TRAPPC9: variants seen among roughly 807,000 people sequenced by gnomAD.
The protein encoded by TRAPPC9 is trafficking protein particle complex subunit 9, also known as IKK2 binding protein.
A neutral mutation model predicts 124.0 loss-of-function variants in TRAPPC9; 83 were observed. That is an observed-to-expected ratio of 0.67 (90% CI 0.56 to 0.80). TRAPPC9 has a LOEUF of 0.80. Among genes scored for constraint, TRAPPC9 ranks in the 30% least tolerant of loss-of-function variants. TRAPPC9 has a pLI of 0.00. For missense variants in TRAPPC9, 1,302 were observed against 1,508.3 expected (o/e 0.86, Z 2.27); for synonymous variants, 638 against 617.5 (o/e 1.03, Z -0.49).
rs1822421541 is a variant in TRAPPC9, at chr8:139,788,386, G to A, written c.3056-56184C>T. Reference sequence around the variant, plus strand: ...CAGGTTTCTAAAAATAGCCTGGCCTGTCAAAACTGTTAACTATCAGGCAGG... The same window carrying A: ...CAGGTTTCTAAAAATAGCCTGGCCTATCAAAACTGTTAACTATCAGGCAGG... On this transcript the variant is annotated intron_variant, in intron 21 of 22. Coordinates refer to ENST00000438773, the MANE Select transcript of TRAPPC9 (RefSeq NM_001160372.4). This position sits in a 1 kb window ranked among gnomAD's most constrained non-coding sequence, Gnocchi z 4.9. Among the ~76,000 whole-genome samples the A allele has an allele frequency of 1.3e-5, 2 of 152,232 alleles. No individual in the cohort carries two copies. Among genetic ancestry groups the A allele is most frequent in the Admixed American group, 6.5e-5 (1 of 15,290 alleles).
At chr8:140,307,040 A>G (rs1455360565) in intron 10 of TRAPPC9, among the ~76,000 whole-genome samples, 1 of 152,164 alleles carries the variant, frequency 6.6e-6, no homozygotes, top group African/African-American at 2.4e-5. Context: ...GTCTCCTTGC[A>G]GCCATGTGGT....
intron 17 of TRAPPC9, among the ~76,000 whole-genome samples, chr8:140,032,644 G>A (rs748874851): frequency 6.6e-6 from 1 of 152,132 alleles, no homozygotes; most frequent in African/African-American, 2.4e-5. Flanking sequence ...CTAAAAATTG[G>A]ATTCATAGTT....
chr8:140,203,685 C>G (rs1013606035), intron 17 of TRAPPC9, among the ~76,000 whole-genome samples: 1 of 152,190 alleles, frequency 6.6e-6, no homozygotes, highest in East Asian at 1.9e-4. Flanking sequence ...ACAGAAGAGA[C>G]CAGCTGGAAG....
At chr8:140,197,899 C>T (rs1187524411) in intron 17 of TRAPPC9, among the ~76,000 whole-genome samples, 1 of 152,166 alleles carries the variant, frequency 6.6e-6, no homozygotes, top group East Asian at 1.9e-4. Flanking sequence ...CCTGCTAACA[C>T]AATAATGTTC....
chr8:139,758,345 T>C (rs1445512914), intron 21 of TRAPPC9, among the ~76,000 whole-genome samples: 1 of 152,212 alleles, frequency 6.6e-6, no homozygotes, highest in Non-Finnish European at 1.5e-5. Context: ...TCTTACTTGG[T>C]GATGAAGGCT....
At chr8:140,072,095 T>A (rs1373006521) in intron 17 of TRAPPC9, among the ~76,000 whole-genome samples, 3 of 152,344 alleles carry the variant, frequency 2.0e-5, no homozygotes, top group Non-Finnish European at 4.4e-5. Context: ...GAGGGGACAT[T>A]TTTTTAAGGT....
chr8:140,173,132 A>C (rs994871672), intron 17 of TRAPPC9, among the ~76,000 whole-genome samples: 1 of 152,220 alleles, frequency 6.6e-6, no homozygotes, highest in African/African-American at 2.4e-5. Context: ...TGACGTATGC[A>C]CAACCCATTA....
chr8:140,394,700 T>G (rs1364837635), intron 7 of TRAPPC9, among the ~76,000 whole-genome samples: 1 of 152,100 alleles, frequency 6.6e-6, no homozygotes, highest in Admixed American at 6.5e-5. Context: ...ACACTGTCCC[T>G]CACAAACAAA....
At position 139,958,342 on chromosome 8, in the gene TRAPPC9, C is replaced by T. The variant is rs565698631; in HGVS notation, c.2810+30384G>A. Among the ~76,000 whole-genome samples the T allele has an allele frequency of 2.0e-5, 3 of 152,286 alleles. No individual in the cohort carries two copies. The East Asian group carries it at 5.8e-4, about 29-fold the overall frequency. ...ACCTCAATGCCTTTTCTTTCCTTTC[C>T]CCATTATCTCAGCATGCTGGAACCA... On this transcript the variant is annotated intron_variant, in intron 19 of 22. Coordinates refer to ENST00000438773, the MANE Select transcript of TRAPPC9 (RefSeq NM_001160372.4).
At chr8:140,100,418 G>A (rs1181511546) in intron 17 of TRAPPC9, 2 of 152,244 alleles carry the variant, frequency 1.3e-5, no homozygotes, top group African/African-American at 4.8e-5. Context: ...GGTCACCCAG[G>A]TCTTCTACTG....
chr8:140,444,004 CCA>C (rs1354974286), intron 2 of TRAPPC9, among the ~76,000 whole-genome samples: 2 of 135,496 alleles, frequency 1.5e-5, no homozygotes, highest in African/African-American at 5.6e-5. Flanking sequence ...CCACTGCACT[CCA>C]GCCTGGGCGA....
chr8:140,456,833 CCTCT>C (rs1272858911), intron 1 of TRAPPC9: 13 of 985,280 alleles, frequency 1.3e-5, no homozygotes, highest in Non-Finnish European at 1.6e-5. Context: ...CGTTTTAATT[CCTCT>C]CTCTATAGAA....
chr8:140,458,407 C>A, upstream of TRAPPC9: 1 of 1,589,980 alleles, frequency 6.3e-7, no homozygotes. Flanking sequence ...CCCGTGACTC[C>A]CACGGTCGTG....
intron 9 of TRAPPC9, among the ~76,000 whole-genome samples, chr8:140,312,916 T>G (rs1418478064): frequency 6.6e-6 from 1 of 152,116 alleles, no homozygotes; most frequent in African/African-American, 2.4e-5. Flanking sequence ...TGTGTCACCA[T>G]GCTTGGCTGA....
chr8:139,921,588 C>T (rs1832504695), intron 19 of TRAPPC9, among the ~76,000 whole-genome samples: 1 of 152,088 alleles, frequency 6.6e-6, no homozygotes, highest in South Asian at 2.1e-4. Context: ...AGTTAAGACA[C>T]ACAGTAAGGG....
intron 21 of TRAPPC9, among the ~76,000 whole-genome samples, chr8:139,823,360 A>G (rs1156634824): frequency 1.3e-5 from 2 of 151,960 alleles, no homozygotes; most frequent in Non-Finnish European, 2.9e-5. Flanking sequence ...TAAGGGGCTC[A>G]AGCAAGCAGA....
At chr8:140,390,891 C>T (rs2068906072) in intron 7 of TRAPPC9, among the ~76,000 whole-genome samples, 2 of 152,172 alleles carry the variant, frequency 1.3e-5, no homozygotes, top group Non-Finnish European at 2.9e-5. Context: ...AGCCACGCAC[C>T]CTGCTGGCTG....
In TRAPPC9 at chr8:139,776,540, T is replaced by C. The variant is rs1821394682; in HGVS notation, c.3056-44338A>G. 6.6e-6 allele frequency among the ~76,000 whole-genome samples: 1 copy of C among 152,084 alleles called. No individual in the cohort carries two copies. Among genetic ancestry groups the C allele is most frequent in the South Asian group, 2.1e-4 (1 of 4,820 alleles). On this transcript the variant is annotated intron_variant, in intron 21 of 22. Coordinates refer to ENST00000438773, the MANE Select transcript of TRAPPC9 (RefSeq NM_001160372.4). This position sits in a 1 kb window ranked among gnomAD's most constrained non-coding sequence, Gnocchi z 4.1. ...TTCATCGCAATAGCGACTGCCTAAT[T>C]AGGAAGGCACAGCTGACCACCCAGG... is the stretch of plus-strand genomic sequence containing the variant.
chr8:140,254,311 G>T (rs2064197338), intron 15 of TRAPPC9, among the ~76,000 whole-genome samples: 1 of 152,180 alleles, frequency 6.6e-6, no homozygotes, highest in African/African-American at 2.4e-5. Flanking sequence ...ACTGAAATAA[G>T]CCAGTCACAT....
Sources: allele counts gnomAD v4.1 joint callset (sites outside exome capture counted in the v4.1 genomes callset), GRCh38; gene constraint gnomAD v4.1.1; non-coding constraint Gnocchi (gnomAD v3.1); transcripts MANE v1.5; gene names NCBI Gene and HGNC (gene_info 2026-07-23, HGNC 2026-07-21).